COL6A5: variants seen among roughly 807,000 people sequenced by gnomAD.
The protein encoded by COL6A5 is collagen alpha-5(VI) chain.
COL6A5 carries 48 observed loss-of-function variants against 65.6 expected under a neutral mutation model. That is an observed-to-expected ratio of 0.73 (90% CI 0.58 to 0.93). The LOEUF is 0.93. COL6A5 is among the 40% of genes least tolerant of loss of function. COL6A5 has a pLI of 0.00. For synonymous variants in COL6A5, 291 were observed against 322.8 expected (o/e 0.90, Z 1.05); for missense variants, 914 against 928.3 (o/e 0.98, Z 0.20).
At chr3:130,427,771 G>T (rs1289324260), upstream of COL6A5, among the ~76,000 whole-genome samples, 1 of 151,958 alleles carries the variant, frequency 6.6e-6, no homozygotes. Flanking sequence ...CAAAAAGAGT[G>T]GGGCCAAGGT....
chr3:130,481,296 G>A (rs1710235452), intron 7 of COL6A5, among the ~76,000 whole-genome samples: 1 of 151,232 alleles, frequency 6.6e-6, no homozygotes, highest in Admixed American at 6.6e-5. Context: ...AACATGTGGT[G>A]TTTGGTTTTC....
chr3:130,469,698 T>C (rs900442513), intron 6 of COL6A5, among the ~76,000 whole-genome samples: 2 of 152,054 alleles, frequency 1.3e-5, no homozygotes, highest in Non-Finnish European at 1.5e-5. Flanking sequence ...AATCCTCAAA[T>C]GGATGAAAAG....
chr3:130,388,987 A>T, exon 6 of COL6A5: 1 of 1,548,846 alleles, frequency 6.5e-7, no homozygotes, highest in Non-Finnish European at 8.7e-7. Flanking sequence ...CAAAGATGTG[A>T]CCATCTTCTC....
chr3:130,459,026 G>T (rs1435839153), intron 5 of COL6A5, among the ~76,000 whole-genome samples: 2 of 152,126 alleles, frequency 1.3e-5, no homozygotes. Context: ...CTTGTGAAAT[G>T]TTTTTTAAAT....
intron 20 of COL6A5, among the ~76,000 whole-genome samples, chr3:130,412,586 C>G (rs550440815): frequency 6.6e-6 from 1 of 152,238 alleles, no homozygotes; most frequent in Non-Finnish European, 1.5e-5. Context: ...TTATAGGAAC[C>G]GAGGCCTCAA....
At chr3:130,437,897 T>G (rs759085330) in intron 1 of COL6A5, among the ~76,000 whole-genome samples, 3 of 152,202 alleles carry the variant, frequency 2.0e-5, no homozygotes, top group Non-Finnish European at 2.9e-5. Context: ...CTATAAAAAG[T>G]ATTACTTCCC....
intron 5 of COL6A5, among the ~76,000 whole-genome samples, chr3:130,387,543 T>C (rs1936236755): frequency 6.6e-6 from 1 of 152,104 alleles, no homozygotes; most frequent in African/African-American, 2.4e-5. Flanking sequence ...ACTTTCAAGA[T>C]GGTTCCATGG....
chr3:130,447,408 C>T (rs143841270), intron 4 of COL6A5, among the ~76,000 whole-genome samples: 3,509 of 152,196 alleles, frequency 0.023, 86 homozygotes, highest in East Asian at 0.1. Context: ...GAACAATAAA[C>T]TTAGCCTGTT....
Position 130,469,494 on chromosome 3 carries a change from T to C in COL6A5, c.2231+13T>C, listed in dbSNP as rs761598797. 2 of 1,583,366 alleles carry C rather than the reference T, an allele frequency of 1.3e-6. No homozygotes were observed. Among genetic ancestry groups the C allele is most frequent in the Non-Finnish European group, 1.7e-6 (2 of 1,158,946 alleles). On this transcript the variant is annotated intron_variant, in intron 6 of 7. Coordinates refer to ENST00000512836, the Ensembl canonical transcript of COL6A5. The stretch of plus-strand genomic sequence containing the variant: ...CATTTAATCAGACGTAAGTCATTAA[T>C]TCTCTTTGATTGCTTTTGCAATAGA...
chr3:130,446,055 T>C (rs1056171149), intron 4 of COL6A5, among the ~76,000 whole-genome samples: 1 of 152,172 alleles, frequency 6.6e-6, no homozygotes, highest in African/African-American at 2.4e-5. Flanking sequence ...ATGTCCCATT[T>C]TATCTGTAGC....
intron 20 of COL6A5, among the ~76,000 whole-genome samples, chr3:130,411,108 G>A (rs1051680869): frequency 3.9e-5 from 6 of 152,174 alleles, no homozygotes; most frequent in African/African-American, 1.4e-4. Context: ...GCAACCTTGA[G>A]GTGCTGGCAT....
exon 6 of COL6A5, chr3:130,469,447 C>G: frequency 6.2e-7 from 1 of 1,612,310 alleles, no homozygotes; most frequent in Non-Finnish European, 8.5e-7. Flanking sequence ...ACTATATCAT[C>G]AAGTTTGTCA....
At chr3:130,423,859 G>A in exon 29 of COL6A5, 4 of 1,549,828 alleles carry the variant, frequency 2.6e-6, no homozygotes, top group South Asian at 1.2e-5. Context: ...CTTGAAAGGT[G>A]AAGAGGGATC....
At chr3:130,477,370 G>C (rs1710125534) in intron 7 of COL6A5, 1 of 278,624 alleles carries the variant, frequency 3.6e-6, no homozygotes, top group South Asian at 1.2e-4. Context: ...TTCATGTTTT[G>C]TTTTCCTAAA....
intron 1 of COL6A5, among the ~76,000 whole-genome samples, chr3:130,432,955 A>T (rs1937882968): frequency 6.6e-6 from 1 of 152,190 alleles, no homozygotes; most frequent in South Asian, 2.1e-4. Flanking sequence ...TATTCAGATT[A>T]TCCATAAAAT....
At chr3:130,423,999 C>T (rs976558) in intron 29 of COL6A5, 99 bp downstream of exon 29, 131,424 of 878,602 alleles carry the variant, frequency 0.15, 11,030 homozygotes, top group East Asian at 0.25. Flanking sequence ...GATTTAAGTC[C>T]AGATTCTGCT....
chr3:130,362,314 ATATATATATATATT>A lies in COL6A5; in HGVS notation c.-28-11295_-28-11282del, dbSNP rs1215025081. On this transcript the variant is annotated intron_variant and NMD_transcript_variant, in intron 1 of 41. Coordinates refer to the COL6A5 transcript ENST00000312481. ...CATATATATATATATATATATATAT[ATATATATATATATT>A]TTTTTTTTTTTTTTTTTTTGCATGT... Among the ~76,000 whole-genome samples the A allele has an allele frequency of 1.4e-3, 21 of 15,500 alleles. 2 individuals are homozygous for A. The East Asian group carries it at 0.037, about 27-fold the overall frequency. 10.2% of individuals were successfully genotyped at this position (15,500 alleles called of 152,430 possible).
At chr3:130,385,463 C>T (rs10212618) in intron 5 of COL6A5, 99 bp downstream of exon 5, 299,420 of 1,250,226 alleles carry the variant, frequency 0.24, 41,627 homozygotes, top group East Asian at 0.55. Flanking sequence ...ACCAGTTGTC[C>T]GGATAACATT....
At chr3:130,446,999 G>A (rs180751757) in intron 4 of COL6A5, among the ~76,000 whole-genome samples, 9 of 152,232 alleles carry the variant, frequency 5.9e-5, no homozygotes, top group African/African-American at 2.2e-4. Flanking sequence ...TTGGACAATT[G>A]GGTTTTTAAA....
Sources: allele counts gnomAD v4.1 joint callset (sites outside exome capture counted in the v4.1 genomes callset), GRCh38; gene constraint gnomAD v4.1.1; transcripts MANE v1.5; gene names NCBI Gene and HGNC (gene_info 2026-07-23, HGNC 2026-07-21).